CDH18: variants seen among roughly 807,000 people sequenced by gnomAD.
CDH18 encodes the protein cadherin-18.
Under a neutral mutation model 67.9 loss-of-function variants are expected in CDH18, and 31 were observed. The ratio of observed to expected loss-of-function variants is 0.46; its 90% CI spans 0.34 to 0.62. The LOEUF is 0.62. Among genes scored for constraint, CDH18 ranks in the 20% least tolerant of loss-of-function variants. CDH18 has a pLI of 0.01. For synonymous variants in CDH18, 362 were observed against 347.2 expected, an observed-to-expected ratio of 1.04 and a Z score of -0.48; for missense variants, 890 against 975.5, an observed-to-expected ratio of 0.91 and a Z score of 1.17.
chr5:20,129,772 T>C lies in CDH18; in HGVS notation c.-518+125672A>G, dbSNP rs1749112259. 3.3e-5 allele frequency among the ~76,000 whole-genome samples: 5 copies of C among 152,176 alleles called. No homozygotes were observed. In the South Asian group the frequency reaches 1.0e-3, roughly 32 times the overall value. On this transcript the variant is annotated intron_variant, in intron 2 of 14. Coordinates refer to the CDH18 transcript ENST00000507958. Reference sequence around the variant, plus strand: ...ATCACCAAACAAATAAAACTTCTACTGATGCAAGCCACTGATATTACGAAG... The same window carrying C: ...ATCACCAAACAAATAAAACTTCTACCGATGCAAGCCACTGATATTACGAAG...
chr5:20,260,558 C>A lies in CDH18; in HGVS notation c.-579-5053G>T, dbSNP rs1157535222. Among the ~76,000 whole-genome samples, 5 of 152,158 alleles carry A rather than the reference C, an allele frequency of 3.3e-5. No homozygotes were observed. In the East Asian group the frequency reaches 9.7e-4, roughly 29 times the overall value. On this transcript the variant is annotated intron_variant, in intron 1 of 14. Coordinates refer to the CDH18 transcript ENST00000507958. ...AAGGGGGTGGACATATTTTGCATTT[C>A]AGAAAGACTTAAACAGTTCTGTATT...
chr5:20,270,502 G>A (rs990200251), intron 1 of CDH18, among the ~76,000 whole-genome samples: 1 of 151,998 alleles, frequency 6.6e-6, no homozygotes, highest in Non-Finnish European at 1.5e-5. Flanking sequence ...GCGAGGTTGT[G>A]GAGAAAAAAG....
intron 1 of CDH18, among the ~76,000 whole-genome samples, chr5:20,327,218 T>C (rs1738682642): frequency 6.6e-6 from 1 of 152,192 alleles, no homozygotes; most frequent in African/African-American, 2.4e-5. Flanking sequence ...AACTGAGTCA[T>C]ACAAAAACTG....
intron 7 of CDH18, among the ~76,000 whole-genome samples, chr5:19,582,637 T>A (rs2149990525): frequency 6.6e-6 from 1 of 152,196 alleles, no homozygotes; most frequent in South Asian, 2.1e-4. Context: ...TTTTTTTTGA[T>A]AATGAAATTC....
chr5:19,575,223 AT>A (rs1336823738), intron 7 of CDH18, among the ~76,000 whole-genome samples: 1 of 152,134 alleles, frequency 6.6e-6, no homozygotes, highest in Non-Finnish European at 1.5e-5. Context: ...TTGTAGAAAA[AT>A]TTATTGGTTA....
intron 1 of CDH18, among the ~76,000 whole-genome samples, chr5:20,517,925 C>A (rs544090073): frequency 1.3e-5 from 2 of 152,138 alleles, no homozygotes; most frequent in African/African-American, 4.8e-5. Flanking sequence ...TTATAGTTTT[C>A]TGTGGAATCA....
In CDH18 at chr5:19,818,389, TACA is replaced by T. The variant is rs376597361; in HGVS notation, c.228+20367_228+20369del. On this transcript the variant is annotated intron_variant, in intron 3 of 12. Coordinates refer to ENST00000382275, the MANE Select transcript of CDH18 (RefSeq NM_004934.5). The stretch of plus-strand genomic sequence containing the variant: ...TCTTAAGTAAAATTATACTCTTATT[TACA>T]ACATGATTCATTCAGCACTATTCAA... Among the ~76,000 whole-genome samples the T allele has an allele frequency of 3.1e-3, 475 of 152,256 alleles. 4 individuals are homozygous for T. The highest frequency in any genetic ancestry group is 0.01 in the African/African-American group (432 of 41,566).
intron 2 of CDH18, among the ~76,000 whole-genome samples, chr5:19,845,449 A>G (rs1782826082): frequency 6.6e-6 from 1 of 152,148 alleles, no homozygotes; most frequent in Admixed American, 6.6e-5. Flanking sequence ...ATCCTGGAAA[A>G]TGGTTCATTT....
intron 2 of CDH18, among the ~76,000 whole-genome samples, chr5:20,204,040 T>C (rs766305268): frequency 2.6e-5 from 4 of 152,012 alleles, no homozygotes; most frequent in Non-Finnish European, 5.9e-5. Context: ...GAATTATTAA[T>C]GTTCAACAGG....
chr5:19,628,772 A>T (rs112378569), intron 5 of CDH18, among the ~76,000 whole-genome samples: 1 of 152,156 alleles, frequency 6.6e-6, no homozygotes, highest in African/African-American at 2.4e-5. Flanking sequence ...TAATATAAAT[A>T]TGACCAGCAT....
chr5:19,664,783 C>G lies in CDH18; in HGVS notation c.644-52182G>C, dbSNP rs115723808. 2.0e-5 allele frequency among the ~76,000 whole-genome samples: 3 copies of G among 151,968 alleles called. No individual in the cohort carries two copies. In the East Asian group the frequency reaches 5.8e-4, roughly 29 times the overall value. On this transcript the variant is annotated intron_variant, in intron 5 of 12. Transcript: ENST00000382275. ...TCAGTTGTTATTCAAAATACACTTA[C>G]GGGGTTGGTATCATGATCTCCATTT... is the stretch of plus-strand genomic sequence containing the variant.
intron 1 of CDH18, among the ~76,000 whole-genome samples, chr5:20,314,109 T>C (rs545714491): frequency 6.6e-6 from 1 of 152,220 alleles, no homozygotes; most frequent in East Asian, 1.9e-4. Context: ...TTGGATACTT[T>C]GTAGCAAAAC....
At chr5:19,899,735 G>GTA (rs145399271) in intron 2 of CDH18, among the ~76,000 whole-genome samples, 5,313 of 151,820 alleles carry the variant, frequency 0.035, 288 homozygotes, top group African/African-American at 0.11. Flanking sequence ...AGAAAATGTA[G>GTA]TATATATATA....
intron 1 of CDH18, among the ~76,000 whole-genome samples, chr5:20,551,639 T>G (rs569417910): frequency 6.6e-6 from 1 of 152,334 alleles, no homozygotes; most frequent in East Asian, 1.9e-4. Flanking sequence ...GGAGTCCCTC[T>G]GAGTTGGTTA....
At chr5:19,850,764 T>C (rs1174180223) in intron 2 of CDH18, among the ~76,000 whole-genome samples, 1 of 151,878 alleles carries the variant, frequency 6.6e-6, no homozygotes, top group Non-Finnish European at 1.5e-5. Flanking sequence ...GAGATATTAA[T>C]AGAATGATAT....
At chr5:20,459,214 G>T (rs1311639588) in intron 1 of CDH18, among the ~76,000 whole-genome samples, 1 of 152,198 alleles carries the variant, frequency 6.6e-6, no homozygotes, top group Non-Finnish European at 1.5e-5. Flanking sequence ...GGATCAGCTT[G>T]CATGGAATAG....
chr5:20,544,827 C>T (rs1048615950), intron 1 of CDH18, among the ~76,000 whole-genome samples: 1 of 152,160 alleles, frequency 6.6e-6, no homozygotes, highest in Non-Finnish European at 1.5e-5. Context: ...GCCAATCATG[C>T]CTTCCCAACA....
intron 2 of CDH18, among the ~76,000 whole-genome samples, chr5:20,163,033 T>G (rs1207917684): frequency 6.6e-6 from 1 of 150,892 alleles, no homozygotes; most frequent in Non-Finnish European, 1.5e-5. Flanking sequence ...CACTCCAGCC[T>G]AGGTGACAAG....
At chr5:19,520,191 C>A (rs1746671962) in intron 10 of CDH18, among the ~76,000 whole-genome samples, 1 of 152,032 alleles carries the variant, frequency 6.6e-6, no homozygotes, top group Admixed American at 6.6e-5. Context: ...CTCTCACCAC[C>A]CTATTAATAC....
Sources: gnomAD v4.1 joint callset for allele counts (sites outside exome capture counted in the v4.1 genomes callset) on GRCh38, gnomAD v4.1.1 for gene constraint, MANE v1.5 for transcripts, NCBI Gene and HGNC (gene_info 2026-07-23, HGNC 2026-07-21) for gene names.